EXOC4: variants seen among roughly 807,000 people sequenced by gnomAD.
EXOC4 encodes the protein exocyst complex component 4, also known as SEC8-like 1.
Under a neutral mutation model 107.2 loss-of-function variants are expected in EXOC4, and 71 were observed. The ratio of observed to expected loss-of-function variants is 0.66; its 90% CI spans 0.55 to 0.81. The LOEUF is 0.81. EXOC4 is among the 30% of genes least tolerant of loss of function. The pLI, the probability that EXOC4 is intolerant of heterozygous loss-of-function variation, is 0.00. For synonymous variants in EXOC4, 456 were observed against 441.2 expected (o/e 1.03, Z -0.42); for missense variants, 1,108 against 1,189.6 (o/e 0.93, Z 1.01).
intron 15 of EXOC4, among the ~76,000 whole-genome samples, chr7:133,998,743 A>C (rs1217741777): frequency 6.6e-6 from 1 of 152,234 alleles, no homozygotes; most frequent in Non-Finnish European, 1.5e-5. Context: ...CAATTAATTA[A>C]CATTTTTTAA....
intron 17 of EXOC4, among the ~76,000 whole-genome samples, chr7:134,056,334 G>A (rs1198664030): frequency 1.3e-5 from 2 of 152,172 alleles, no homozygotes; most frequent in Non-Finnish European, 2.9e-5. Context: ...ACAGAAGTAT[G>A]AGACAAACAC....
intron 9 of EXOC4, among the ~76,000 whole-genome samples, chr7:133,573,584 G>A (rs1251682624): frequency 6.6e-6 from 1 of 152,098 alleles, no homozygotes; most frequent in East Asian, 1.9e-4. Context: ...GTGGAACTTG[G>A]TGCATTTACA....
intron 10 of EXOC4, among the ~76,000 whole-genome samples, chr7:133,745,937 A>T (rs751997510): frequency 2.0e-5 from 3 of 152,044 alleles, no homozygotes; most frequent in Non-Finnish European, 2.9e-5. Context: ...TTTACCTCTT[A>T]CTTTTCTGTG....
At chr7:134,024,143 C>A (rs1436132752) in intron 17 of EXOC4, among the ~76,000 whole-genome samples, 1 of 152,172 alleles carries the variant, frequency 6.6e-6, no homozygotes, top group Non-Finnish European at 1.5e-5. Context: ...ATGAAAGTGT[C>A]TTAAAATAGC....
chr7:133,693,612 G>T (rs1794468432), intron 10 of EXOC4, among the ~76,000 whole-genome samples: 1 of 152,024 alleles, frequency 6.6e-6, no homozygotes, highest in South Asian at 2.1e-4. Flanking sequence ...ACAAACCCAG[G>T]CAATCTGATT....
downstream of EXOC4, chr7:134,065,984 G>A (rs1298221658): frequency 2.0e-5 from 3 of 152,322 alleles, no homozygotes; most frequent in Non-Finnish European, 4.4e-5. Context: ...AGGGGATTCA[G>A]TGGGCAGCTG....
intron 10 of EXOC4, among the ~76,000 whole-genome samples, chr7:133,682,546 A>G (rs2991241): frequency 0.97 from 147,283 of 152,242 alleles, 71,429 homozygotes; most frequent in East Asian, 1. Context: ...TTTTGGGTAT[A>G]TCTTTATCAG....
intron 7 of EXOC4, among the ~76,000 whole-genome samples, chr7:133,411,889 C>T (rs17595718): frequency 2.6e-4 from 40 of 152,200 alleles, no homozygotes; most frequent in Admixed American, 1.7e-3. Flanking sequence ...TTGGTACTCA[C>T]GCAGTGTTGT....
intron 5 of EXOC4, among the ~76,000 whole-genome samples, chr7:133,329,061 A>T (rs542249109): frequency 6.6e-6 from 1 of 152,236 alleles, no homozygotes; most frequent in Non-Finnish European, 1.5e-5. Context: ...ACACCAATCA[A>T]ATGTAGATTT....
intron 1 of EXOC4, among the ~76,000 whole-genome samples, chr7:133,274,019 T>A (rs1026295617): frequency 3.9e-5 from 6 of 152,138 alleles, no homozygotes; most frequent in Non-Finnish European, 2.9e-5. Flanking sequence ...TAAAAAAAAA[T>A]TATCCAAGAA....
intron 7 of EXOC4, among the ~76,000 whole-genome samples, chr7:133,470,379 C>T (rs560174264): frequency 1.1e-4 from 17 of 152,158 alleles, no homozygotes; most frequent in Admixed American, 3.3e-4. Context: ...GCTTTAATAC[C>T]GTGAGATTGC....
intron 5 of EXOC4, among the ~76,000 whole-genome samples, chr7:133,323,141 A>T (rs190799877): frequency 4.6e-5 from 7 of 152,298 alleles, no homozygotes; most frequent in East Asian, 1.9e-4. Context: ...TAAATATACA[A>T]TCATGTCATC....
At chr7:133,694,259 C>CAA (rs10591090) in intron 10 of EXOC4, among the ~76,000 whole-genome samples, 3 of 120,180 alleles carry the variant, frequency 2.5e-5, no homozygotes, top group African/African-American at 9.9e-5. Flanking sequence ...GATTCCTTCT[C>CAA]AAAAAAAAAA....
At chr7:133,423,981 T>C (rs964230593) in intron 7 of EXOC4, among the ~76,000 whole-genome samples, 3 of 152,148 alleles carry the variant, frequency 2.0e-5, no homozygotes, top group Non-Finnish European at 4.4e-5. Flanking sequence ...AGGTGGGGAC[T>C]TGGAGAACTT....
At chr7:134,056,976 A>G (rs1795941476) in intron 17 of EXOC4, among the ~76,000 whole-genome samples, 1 of 152,182 alleles carries the variant, frequency 6.6e-6, no homozygotes, top group African/African-American at 2.4e-5. Context: ...CAAAAATGTC[A>G]GGATACGTTC....
intron 10 of EXOC4, among the ~76,000 whole-genome samples, chr7:133,766,481 T>G (rs973901279): frequency 6.6e-6 from 1 of 152,002 alleles, no homozygotes. Context: ...GAAAAATCTT[T>G]ATCTACCTCA....
At chr7:133,793,062 G>A (rs190328986) in intron 10 of EXOC4, among the ~76,000 whole-genome samples, 92 of 152,126 alleles carry the variant, frequency 6.0e-4, no homozygotes, top group Non-Finnish European at 9.7e-4. Flanking sequence ...GCCCATTTTC[G>A]TTACCTGTGA....
chr7:133,313,625 A>G (rs1350064975), intron 4 of EXOC4, among the ~76,000 whole-genome samples: 1 of 152,244 alleles, frequency 6.6e-6, no homozygotes, highest in African/African-American at 2.4e-5. Flanking sequence ...GAAATATGTT[A>G]TAATTAAAAA....
chr7:134,042,223 T>G (rs1317167284), intron 17 of EXOC4, among the ~76,000 whole-genome samples: 1 of 152,210 alleles, frequency 6.6e-6, no homozygotes, highest in Non-Finnish European at 1.5e-5. Context: ...GAAATCACTT[T>G]TGGATTCCCT....
Sources: gnomAD v4.1 joint callset for allele counts (sites outside exome capture counted in the v4.1 genomes callset) on GRCh38, gnomAD v4.1.1 for gene constraint, MANE v1.5 for transcripts, NCBI Gene and HGNC (gene_info 2026-07-23, HGNC 2026-07-21) for gene names.